Variants in PLCB4 observed in about 807,000 individuals in gnomAD.
The protein encoded by PLCB4 is phospholipase C beta 4.
In PLCB4, 77 loss-of-function variants were observed where a neutral mutation model predicts 178.8. The ratio of observed to expected loss-of-function variants is 0.43; its 90% CI spans 0.36 to 0.52. The LOEUF is 0.52. Ranked by LOEUF, PLCB4 falls within the 20% of genes least tolerant of loss-of-function variation. The pLI is 0.00. For missense variants in PLCB4, 1,024 were observed against 1,453.4 expected (o/e 0.70, Z 4.80); for synonymous variants, 496 against 490.8 (o/e 1.01, Z -0.14).
intron 3 of PLCB4, among the ~76,000 whole-genome samples, chr20:9,227,269 T>C (rs2093878537): frequency 6.6e-6 from 1 of 152,128 alleles, no homozygotes; most frequent in African/African-American, 2.4e-5. Context: ...CTTTTCATTT[T>C]CTTGATAACA....
At chr20:9,121,687 T>G (rs1044214359) in intron 2 of PLCB4, among the ~76,000 whole-genome samples, 2 of 152,154 alleles carry the variant, frequency 1.3e-5, no homozygotes, top group African/African-American at 4.8e-5. Context: ...CACTTTAATA[T>G]CAAGTTTTGA....
At chr20:9,469,738 A>T (rs777782260) in intron 36 of PLCB4, among the ~76,000 whole-genome samples, 3 of 152,256 alleles carry the variant, frequency 2.0e-5, no homozygotes, top group Admixed American at 6.5e-5. Context: ...ACTGGGGGGA[A>T]GGTTTGTGTG....
intron 4 of PLCB4, among the ~76,000 whole-genome samples, chr20:9,323,741 C>T (rs995979837): frequency 1.5e-4 from 23 of 152,124 alleles, no homozygotes; most frequent in Non-Finnish European, 2.6e-4. Context: ...GGCTTCAGCA[C>T]CCTCAAAATG....
At chr20:9,187,977 G>A (rs2093351273) in intron 2 of PLCB4, among the ~76,000 whole-genome samples, 1 of 152,178 alleles carries the variant, frequency 6.6e-6, no homozygotes, top group South Asian at 2.1e-4. Context: ...CAAACTAGAA[G>A]ATTTCTCCCA....
At chr20:9,181,222 A>G (rs1236565820) in intron 2 of PLCB4, among the ~76,000 whole-genome samples, 2 of 152,116 alleles carry the variant, frequency 1.3e-5, no homozygotes, top group Non-Finnish European at 2.9e-5. Flanking sequence ...GACCTCCCAA[A>G]TGGTGCTGAT....
intron 19 of PLCB4, 147 bp from the exon 20 acceptor site, chr20:9,401,342 GA>G: frequency 1.7e-6 from 1 of 587,914 alleles, no homozygotes; most frequent in East Asian, 2.8e-5. Flanking sequence ...AGTTTTACTT[GA>G]AAAAATACTG....
intron 3 of PLCB4, among the ~76,000 whole-genome samples, chr20:9,303,970 C>G (rs556324864): frequency 1.3e-5 from 2 of 151,868 alleles, no homozygotes; most frequent in African/African-American, 4.8e-5. Context: ...CTGCAGCCAC[C>G]TCCTCCTCCT....
chr20:9,369,124 T>G (rs1311492389), intron 9 of PLCB4, among the ~76,000 whole-genome samples: 1 of 152,166 alleles, frequency 6.6e-6, no homozygotes, highest in East Asian at 1.9e-4. Flanking sequence ...TCAATTTCTG[T>G]GTAGGAAACA....
At chr20:9,464,728 C>A (rs1044608134) in intron 35 of PLCB4, among the ~76,000 whole-genome samples, 1 of 152,020 alleles carries the variant, frequency 6.6e-6, no homozygotes, top group Non-Finnish European at 1.5e-5. Flanking sequence ...CGAGACTAAA[C>A]CTGGAAGAAG....
At chr20:9,434,752 G>A (rs567841937) in intron 28 of PLCB4, among the ~76,000 whole-genome samples, 111 of 152,206 alleles carry the variant, frequency 7.3e-4, no homozygotes, top group African/African-American at 2.3e-3. Context: ...TATGTGCCCC[G>A]TGTACTGAGA....
At chr20:9,313,281 A>G (rs952921743) in intron 4 of PLCB4, among the ~76,000 whole-genome samples, 1 of 152,208 alleles carries the variant, frequency 6.6e-6, no homozygotes, top group Non-Finnish European at 1.5e-5. Flanking sequence ...GAAAACATTT[A>G]ATTATTTTTG....
intron 28 of PLCB4, among the ~76,000 whole-genome samples, chr20:9,428,275 G>T (rs1315475984): frequency 6.6e-6 from 1 of 152,126 alleles, no homozygotes; most frequent in East Asian, 1.9e-4. Flanking sequence ...AAACCCAGTT[G>T]CATATTCACA....
intron 2 of PLCB4, among the ~76,000 whole-genome samples, chr20:9,165,526 C>T (rs2092954783): frequency 6.6e-6 from 1 of 152,114 alleles, no homozygotes; most frequent in Non-Finnish European, 1.5e-5. Flanking sequence ...TCTCTGGATG[C>T]CTCTCAAATA....
Position 9,307,826 on chromosome 20 carries a change from T to C in PLCB4, c.12T>C (p.Pro4=). The C allele has an allele frequency of 6.3e-7, 1 of 1,596,652 alleles. No individual in the cohort carries two copies. Among genetic ancestry groups the C allele is most frequent in the Non-Finnish European group, 8.6e-7 (1 of 1,165,954 alleles). Residue 4 remains proline (P), a synonymous_variant, in exon 4 of 40, where the codon CCT becomes CCC. Coordinates refer to ENST00000378473, the MANE Select transcript of PLCB4 (RefSeq NM_001377142.1). MAK[P]YEFNWQKEVP... is the part of the protein sequence containing the mutation. The stretch of plus-strand genomic sequence containing the variant: ...TCTTGAATATAATCATGGCCAAACC[T>C]TATGAATTTAACTGGCAGAAGGAAG...
intron 2 of PLCB4, among the ~76,000 whole-genome samples, chr20:9,103,026 C>CT (rs11484220): frequency 0.47 from 65,981 of 139,158 alleles, 16,249 homozygotes; most frequent in Middle Eastern, 0.57. Context: ...TGCCATTGTA[C>CT]TTTTTTTTTT....
intron 35 of PLCB4, among the ~76,000 whole-genome samples, chr20:9,465,205 A>T (rs1261591941): frequency 1.3e-5 from 2 of 152,230 alleles, no homozygotes; most frequent in African/African-American, 2.4e-5. Flanking sequence ...ATCTCAATAG[A>T]TGCAGAAAAG....
chr20:9,098,691 A>G lies in PLCB4; in HGVS notation c.-79+2349A>G. On this transcript the variant is annotated intron_variant, in intron 2 of 39. Transcript: ENST00000378473. ...TATATGTATATATACATATGTACGT[A>G]TATATGTACATATATACATATATAC... Among the ~76,000 whole-genome samples the G allele has an allele frequency of 2.7e-5, 4 of 150,658 alleles. No homozygotes were observed. In the South Asian group the frequency reaches 8.4e-4, roughly 32 times the overall value.
At chr20:9,267,467 G>C (rs2094360169) in intron 3 of PLCB4, among the ~76,000 whole-genome samples, 1 of 152,008 alleles carries the variant, frequency 6.6e-6, no homozygotes, top group African/African-American at 2.4e-5. Context: ...TTTAGAAGTA[G>C]AAATTAGTCA....
At chr20:9,139,387 C>T (rs1326535071) in intron 2 of PLCB4, among the ~76,000 whole-genome samples, 3 of 152,010 alleles carry the variant, frequency 2.0e-5, no homozygotes, top group African/African-American at 7.2e-5. Context: ...CTGGAATGCT[C>T]AAGAGGACTC....
Sources: allele counts gnomAD v4.1 joint callset (sites outside exome capture counted in the v4.1 genomes callset), GRCh38; gene constraint gnomAD v4.1.1; transcripts MANE v1.5; gene names NCBI Gene and HGNC (gene_info 2026-07-23, HGNC 2026-07-21).